The following WIPF3 variants were observed in gnomAD, a reference collection of about 807,000 sequenced individuals.
WIPF3 encodes the protein WAS/WASL interacting protein family member 3.
Under a neutral mutation model 38.9 loss-of-function variants are expected in WIPF3, and 33 were observed. The ratio of observed to expected loss-of-function variants is 0.85; its 90% confidence interval spans 0.64 to 1.14. The LOEUF (loss-of-function observed/expected upper bound fraction) is 1.14, where lower values mean the gene tolerates loss of function less well. Ranked by LOEUF, WIPF3 falls within the 50% of genes most tolerant of loss-of-function variation. The pLI is 0.00. For missense variants in WIPF3, 711 were observed against 652.5 expected (o/e 1.09, Z -0.98); for synonymous variants, 324 against 269.3 (o/e 1.20, Z -1.99).
At chr7:29,883,799 G>T in intron 4 of WIPF3, 51 bp from the exon 5 acceptor site, 2 of 1,508,314 alleles carry the variant, frequency 1.3e-6, no homozygotes, top group Non-Finnish European at 1.8e-6. Flanking sequence ...ACCTGCGGGG[G>T]CTTTCTCCTT....
intron 3 of WIPF3, among the ~76,000 whole-genome samples, chr7:29,876,985 A>G (rs1785612245): frequency 6.6e-6 from 1 of 152,108 alleles, no homozygotes. Flanking sequence ...ATATATGCAG[A>G]ACTCTTTAGT....
rs538227260 is a variant in WIPF3 at position 29,813,353 on chromosome 7, T to A, written c.-58+6675T>A. Among the ~76,000 whole-genome samples, 8 of 152,254 alleles carry A rather than the reference T, an allele frequency of 5.3e-5. No individual in the cohort carries two copies. The East Asian group carries it at 1.5e-3, about 29-fold the overall frequency. On this transcript the variant is annotated intron_variant, in intron 1 of 8. Transcript: ENST00000242140. ...AACATCTTTCCTCTCTTTAAAAACC[T>A]ACAAAATAAGGTCCAAAAGCCCAGC... is the stretch of plus-strand genomic sequence containing the variant.
intron 7 of WIPF3, among the ~76,000 whole-genome samples, chr7:29,897,617 T>A (rs1390549959): frequency 6.6e-6 from 1 of 152,230 alleles, no homozygotes; most frequent in Non-Finnish European, 1.5e-5. Context: ...CACCGTTATT[T>A]CCATTAGCAA....
intron 4 of WIPF3, among the ~76,000 whole-genome samples, chr7:29,881,820 T>C (rs1211979424): frequency 6.6e-6 from 1 of 152,268 alleles, no homozygotes; most frequent in Non-Finnish European, 1.5e-5. Context: ...AATCCTTTCC[T>C]ATGGGCACAG....
At chr7:29,817,446 CTCA>C (rs1176298360) in intron 1 of WIPF3, among the ~76,000 whole-genome samples, 2 of 151,972 alleles carry the variant, frequency 1.3e-5, no homozygotes, top group African/African-American at 4.8e-5. Flanking sequence ...TAAAAATTCT[CTCA>C]TATTTTTAGT....
At chr7:29,891,048 C>T (rs12700990) in intron 7 of WIPF3, among the ~76,000 whole-genome samples, 9 of 117,638 alleles carry the variant, frequency 7.7e-5, no homozygotes, top group South Asian at 3.0e-4. Context: ...GGAGGGGGCA[C>T]GGGCCTGCCT....
intron 2 of WIPF3, among the ~76,000 whole-genome samples, chr7:29,840,616 G>A (rs1784898029): frequency 6.6e-6 from 1 of 152,156 alleles, no homozygotes; most frequent in South Asian, 2.1e-4. Context: ...TATAATCAGT[G>A]TTCAGGACTC....
In WIPF3 at chr7:29,884,179, C is replaced by T. The variant is rs1785794512; in HGVS notation, c.685C>T (p.Pro229Ser). 5 of 1,520,896 alleles carry T rather than the reference C, an allele frequency of 3.3e-6. No homozygotes were observed. Among genetic ancestry groups the T allele is most frequent in the Admixed American group, 2.1e-5 (1 of 48,778 alleles). 94.2% of individuals were successfully genotyped at this position (1,520,896 alleles called of 1,614,324 possible). Residue 229 changes from proline (P) to serine (S), a missense_variant, in exon 5 of 9, where the codon CCA becomes TCA. Pro to Ser is a moderately conservative substitution (Grantham distance 74). Transcript: ENST00000242140. ...VPCAPPPPPP[P>S]PPPTPPPLPP... ...CTGTGCGCCACCACCTCCACCTCCG[C>T]CACCTCCCCCAACGCCACCCCCGCT...
At chr7:29,909,819 C>A (rs1252921300) in intron 8 of WIPF3, among the ~76,000 whole-genome samples, 1 of 151,516 alleles carries the variant, frequency 6.6e-6, no homozygotes, top group African/African-American at 2.4e-5. Flanking sequence ...TGCTTGAGCC[C>A]AGGAGTTTGA....
intron 2 of WIPF3, among the ~76,000 whole-genome samples, chr7:29,866,993 T>C (rs543263850): frequency 6.6e-6 from 1 of 152,364 alleles, no homozygotes; most frequent in South Asian, 2.1e-4. Flanking sequence ...GCCTCATCTG[T>C]AGACTGGACA....
intron 8 of WIPF3, among the ~76,000 whole-genome samples, chr7:29,909,784 A>G (rs1199566178): frequency 6.6e-6 from 1 of 152,020 alleles, no homozygotes; most frequent in Non-Finnish European, 1.5e-5. Context: ...TAGTCTAGCT[A>G]CTTGGGAGAC....
chr7:29,808,685 G>A (rs1227539036), intron 1 of WIPF3, among the ~76,000 whole-genome samples: 1 of 69,136 alleles, frequency 1.4e-5, no homozygotes, highest in African/African-American at 7.0e-5. Flanking sequence ...AGAAGGAATG[G>A]AGGAAGTGTG....
rs116238870 is a variant in WIPF3, at chr7:29,830,915, A to G, written c.-57-3753A>G. Among the ~76,000 whole-genome samples the G allele has an allele frequency of 5.6e-4, 86 of 152,302 alleles. 1 individual carries two copies. The highest frequency in any genetic ancestry group is 1.9e-3 in the African/African-American group (80 of 41,576). On this transcript the variant is annotated intron_variant, in intron 1 of 8. Transcript: ENST00000242140. ...AGATTCTACATTTGCAAATTCACCT[A>G]CGTGTACTCACGAAAGTGTATTTGT... is the stretch of plus-strand genomic sequence containing the variant.
At chr7:29,829,805 A>C (rs73686235) in intron 1 of WIPF3, among the ~76,000 whole-genome samples, 4,705 of 152,156 alleles carry the variant, frequency 0.031, 202 homozygotes, top group African/African-American at 0.098. Context: ...CGTGGAAGTG[A>C]GTGTTAGTTC....
At chr7:29,883,048 G>A (rs1785755745) in intron 4 of WIPF3, among the ~76,000 whole-genome samples, 1 of 152,208 alleles carries the variant, frequency 6.6e-6, no homozygotes, top group Non-Finnish European at 1.5e-5. Context: ...GAGTATAGAG[G>A]CCCCTCCTGG....
At chr7:29,883,434 G>A (rs1388222098) in intron 4 of WIPF3, among the ~76,000 whole-genome samples, 4 of 152,236 alleles carry the variant, frequency 2.6e-5, no homozygotes, top group Non-Finnish European at 4.4e-5. Flanking sequence ...AGGAGTGCTG[G>A]TTGGTACACC....
chr7:29,841,493 T>G (rs1784912834), intron 2 of WIPF3, among the ~76,000 whole-genome samples: 1 of 152,222 alleles, frequency 6.6e-6, no homozygotes, highest in South Asian at 2.1e-4. Context: ...CCCCAGTTTT[T>G]GAGCTCCTTT....
At chr7:29,839,785 G>T (rs1254947320) in intron 2 of WIPF3, among the ~76,000 whole-genome samples, 1 of 152,206 alleles carries the variant, frequency 6.6e-6, no homozygotes. Flanking sequence ...TCCATAAATA[G>T]TGTTATTGGA....
At chr7:29,890,371 A>G (rs112536219) in intron 7 of WIPF3, among the ~76,000 whole-genome samples, 1,039 of 21,852 alleles carry the variant, frequency 0.048, 13 homozygotes, top group African/African-American at 0.1. Flanking sequence ...AAAAAAAAAA[A>G]AGAGAGAGAG....
Sources: allele counts gnomAD v4.1 joint callset (sites outside exome capture counted in the v4.1 genomes callset), GRCh38; gene constraint gnomAD v4.1.1; transcripts MANE v1.5; gene names NCBI Gene and HGNC (gene_info 2026-07-23, HGNC 2026-07-21).